Variants in EHBP1 observed in about 807,000 individuals in gnomAD.
EHBP1 encodes EH domain binding protein 1.
A neutral mutation model predicts 144.0 loss-of-function variants in EHBP1; 55 were observed. The ratio of observed to expected loss-of-function variants is 0.38; its 90% confidence interval spans 0.31 to 0.48. The LOEUF (loss-of-function observed/expected upper bound fraction) is 0.48, where lower values mean the gene tolerates loss of function less well. Ranked by LOEUF, EHBP1 falls within the 20% of genes least tolerant of loss-of-function variation. The pLI is 0.98. For synonymous variants in EHBP1, 469 were observed against 472.7 expected (o/e 0.99, Z 0.10); for missense variants, 1,200 against 1,364.2 (o/e 0.88, Z 1.90).
At chr2:62,790,716 T>C (rs909192371) in intron 5 of EHBP1, among the ~76,000 whole-genome samples, 7 of 152,120 alleles carry the variant, frequency 4.6e-5, no homozygotes, top group Admixed American at 6.6e-5. Flanking sequence ...TGTTACTTTA[T>C]AGATTTTGGC....
chr2:62,688,426 G>A (rs1489662988), intron 1 of EHBP1, among the ~76,000 whole-genome samples: 5 of 152,032 alleles, frequency 3.3e-5, no homozygotes, highest in Non-Finnish European at 7.4e-5. Flanking sequence ...AACATATAGT[G>A]ATCAGATCAG....
intron 19 of EHBP1, among the ~76,000 whole-genome samples, chr2:63,005,217 C>T (rs970159042): frequency 7.2e-5 from 11 of 152,160 alleles, no homozygotes; most frequent in Admixed American, 4.6e-4. Context: ...AGGGAATTTG[C>T]TACTTTGAAG....
rs1559110359 is a variant in EHBP1, at chr2:63,043,917, G to GTTTT, written c.3278-1147_3278-1146insTTTT. 15 of 36,198 alleles carry GTTTT rather than the reference G, an allele frequency of 4.1e-4. 1 individual carries two copies. Among genetic ancestry groups the GTTTT allele is most frequent in the African/African-American group, 1.9e-3 (13 of 6,974 alleles). 2.2% of individuals were successfully genotyped at this position (36,198 alleles called of 1,614,324 possible). On this transcript the variant is annotated intron_variant, in intron 21 of 22. Coordinates refer to ENST00000431489, the MANE Select transcript of EHBP1 (RefSeq NM_001142616.3). ...GGGGCTGCAGGAGTCAGTGGCCATGGTTCTTTTTTTTTTTTTTTTTTTTTT... is the reference window on the plus strand; with the variant it reads ...GGGGCTGCAGGAGTCAGTGGCCATGGTTTTTTCTTTTTTTTTTTTTTTTTTTTTT...
At chr2:62,693,190 T>C (rs1460268772) in intron 1 of EHBP1, among the ~76,000 whole-genome samples, 1 of 152,150 alleles carries the variant, frequency 6.6e-6, no homozygotes, top group African/African-American at 2.4e-5. Flanking sequence ...AATAACAGTA[T>C]CTCATTCTTT....
At chr2:62,681,836 A>G (rs974649542) in intron 1 of EHBP1, among the ~76,000 whole-genome samples, 4 of 152,200 alleles carry the variant, frequency 2.6e-5, no homozygotes, top group African/African-American at 9.6e-5. Flanking sequence ...TATTTATCCC[A>G]GAGAAAAAGT....
intron 14 of EHBP1, among the ~76,000 whole-genome samples, chr2:62,968,270 A>T (rs2058337141): frequency 6.6e-6 from 1 of 152,194 alleles, no homozygotes; most frequent in South Asian, 2.1e-4. Flanking sequence ...TTAGAACAAA[A>T]GCCAGTGTTG....
intron 16 of EHBP1, among the ~76,000 whole-genome samples, chr2:62,991,221 G>A (rs925478445): frequency 6.0e-5 from 9 of 149,312 alleles, no homozygotes; most frequent in African/African-American, 7.4e-5. Context: ...CTCCAGCAGC[G>A]GAGACAGGGT....
chr2:62,775,431 G>T (rs931274820), intron 5 of EHBP1, among the ~76,000 whole-genome samples: 1 of 152,142 alleles, frequency 6.6e-6, no homozygotes, highest in African/African-American at 2.4e-5. Flanking sequence ...GGTTTTGTTA[G>T]AAATTCTGTT....
chr2:62,943,050 C>A (rs2539990), intron 11 of EHBP1, among the ~76,000 whole-genome samples, 154 bp downstream of exon 11: 1 of 151,988 alleles, frequency 6.6e-6, no homozygotes, highest in Non-Finnish European at 1.5e-5. Flanking sequence ...GAAAGCTTTT[C>A]CTTTTTCATA....
rs1402884840 is a variant in EHBP1 at position 62,874,439 on chromosome 2, A to G, written c.1092A>G (p.Arg364=). 5.0e-6 allele frequency: 8 copies of G among 1,613,778 alleles called. No individual in the cohort carries two copies. Among genetic ancestry groups the G allele is most frequent in the African/African-American group, 1.3e-5 (1 of 74,936 alleles). The change falls in exon 10 of 23, where the codon AGA becomes AGG. Residue 364 remains arginine, a synonymous_variant. Coordinates refer to ENST00000431489, the MANE Select transcript of EHBP1 (RefSeq NM_001142616.3). The part of the protein sequence containing the change: ...QELETERRVK[R]KAPAPPVLSP... ...TAGAAACTGAAAGGCGAGTGAAAAG[A>G]AAGGCCCCGGCTCCACCAGTCCTCT...
chr2:62,674,778 T>G (rs2033225509), intron 1 of EHBP1, among the ~76,000 whole-genome samples: 1 of 152,188 alleles, frequency 6.6e-6, no homozygotes, highest in Non-Finnish European at 1.5e-5. Flanking sequence ...GGCTGGAGTA[T>G]ATGAGTCTTA....
At chr2:62,970,611 AT>A (rs1399566042) in intron 14 of EHBP1, among the ~76,000 whole-genome samples, 1 of 152,174 alleles carries the variant, frequency 6.6e-6, no homozygotes, top group Non-Finnish European at 1.5e-5. Flanking sequence ...AATCCATGGC[AT>A]CATTTTTTGG....
Position 62,951,240 on chromosome 2 carries a change from C to T in EHBP1, c.2316+2078C>T, listed in dbSNP as rs190228477. On this transcript the variant is annotated intron_variant, in intron 13 of 22. Coordinates refer to ENST00000431489, the MANE Select transcript of EHBP1 (RefSeq NM_001142616.3). ...AGGTAGACAACCATGTCTTAACTGCCACCTGGATGACAGAGAGTGTAAGAT... is the reference window on the plus strand; with the variant it reads ...AGGTAGACAACCATGTCTTAACTGCTACCTGGATGACAGAGAGTGTAAGAT... Among the ~76,000 whole-genome samples the T allele has an allele frequency of 4.7e-3, 714 of 152,246 alleles. 7 individuals carry two copies. Among genetic ancestry groups the T allele is most frequent in the Middle Eastern group, 0.031 (9 of 294 alleles).
intron 5 of EHBP1, among the ~76,000 whole-genome samples, chr2:62,783,499 C>G (rs1030676690): frequency 6.6e-6 from 1 of 152,278 alleles, no homozygotes; most frequent in African/African-American, 2.4e-5. Flanking sequence ...TATACATCCT[C>G]TGAAATCTAG....
At chr2:62,702,391 G>A (rs191987747), upstream of EHBP1, among the ~76,000 whole-genome samples, 218 of 152,268 alleles carry the variant, frequency 1.4e-3, no homozygotes, top group African/African-American at 4.8e-3. Context: ...ATCAAGATCC[G>A]AGTAAATAGG....
chr2:62,976,929 T>G (rs1449630573), intron 14 of EHBP1, among the ~76,000 whole-genome samples: 1 of 152,088 alleles, frequency 6.6e-6, no homozygotes, highest in Non-Finnish European at 1.5e-5. Context: ...TCTGAGTTTT[T>G]TTTCCCTCCC....
At chr2:62,841,330 G>C (rs1039026222) in intron 7 of EHBP1, among the ~76,000 whole-genome samples, 56 of 138,798 alleles carry the variant, frequency 4.0e-4, no homozygotes, top group Admixed American at 1.2e-3. Context: ...TCACACTCTG[G>C]GGACTGTGGT....
At chr2:62,677,110 C>T (rs2033327548) in intron 1 of EHBP1, among the ~76,000 whole-genome samples, 1 of 152,128 alleles carries the variant, frequency 6.6e-6, no homozygotes, top group Admixed American at 6.6e-5. Context: ...AGAGAAAGAT[C>T]ACTTGAACTG....
intron 19 of EHBP1, among the ~76,000 whole-genome samples, chr2:63,019,967 T>C (rs760140900): frequency 9.9e-5 from 15 of 151,124 alleles, no homozygotes; most frequent in Admixed American, 2.0e-4. Context: ...GGCAGGCGGA[T>C]TGCCTGAGGT....
Sources: allele counts gnomAD v4.1 joint callset (sites outside exome capture counted in the v4.1 genomes callset), GRCh38; gene constraint gnomAD v4.1.1; transcripts MANE v1.5; gene names NCBI Gene and HGNC (gene_info 2026-07-23, HGNC 2026-07-21).